Variants in DDHD2 observed in about 807,000 individuals in gnomAD.
The protein encoded by DDHD2 is triacylglycerol hydrolase DDHD2.
A neutral mutation model predicts 91.2 loss-of-function variants in DDHD2; 62 were observed. The ratio of observed to expected loss-of-function variants is 0.68; its 90% CI spans 0.55 to 0.84. The LOEUF is 0.84. Ranked by LOEUF, DDHD2 falls within the 40% of genes least tolerant of loss-of-function variation. The pLI, the probability that DDHD2 is intolerant of heterozygous loss-of-function variation, is 0.00. For missense variants in DDHD2, 740 were observed against 846.9 expected, an observed-to-expected ratio of 0.87 and a Z score of 1.57; for synonymous variants, 271 against 293.9, an observed-to-expected ratio of 0.92 and a Z score of 0.80.
In DDHD2 at chr8:38,234,512, T is replaced by TACG. The variant is rs1338662727; in HGVS notation, c.340_342dup (p.Thr114dup). ...AACTGGCATCGGAAGTGAGACGATG[T>TACG]ACGTGGTTTTACAAGGGGGACAAAG... is the stretch of plus-strand genomic sequence containing the variant. On this transcript the variant is annotated inframe_insertion, in exon 3 of 18. Coordinates refer to ENST00000397166, the MANE Select transcript of DDHD2 (RefSeq NM_015214.3). 5.0e-6 allele frequency: 8 copies of TACG among 1,613,374 alleles called. No individual in the cohort carries two copies. Among genetic ancestry groups the TACG allele is most frequent in the Non-Finnish European group, 6.8e-6 (8 of 1,179,928 alleles).
intron 9 of DDHD2, 45 bp downstream of exon 9, chr8:38,246,345 A>G: frequency 1.4e-6 from 2 of 1,457,382 alleles, no homozygotes; most frequent in Non-Finnish European, 1.9e-6. Context: ...TTTCCTTAGT[A>G]AGGATTTATA....
At chr8:38,268,624 C>T in intron 1 of DDHD2, 1 of 1,440,170 alleles carries the variant, frequency 6.9e-7, no homozygotes, top group Non-Finnish European at 9.1e-7. Flanking sequence ...ACAGCAGCGC[C>T]CGTGCGGCTC....
At chr8:38,258,311 G>C (rs1383520187) in intron 16 of DDHD2, among the ~76,000 whole-genome samples, 4 of 150,600 alleles carry the variant, frequency 2.7e-5, no homozygotes, top group Non-Finnish European at 5.9e-5. Flanking sequence ...AAGTGCAGTA[G>C]TGCAGTAGTT....
At chr8:38,260,363 G>C (rs1421936039) in intron 17 of DDHD2, 2 of 357,622 alleles carry the variant, frequency 5.6e-6, no homozygotes, top group Admixed American at 8.2e-5. Context: ...TTTTGCTAGA[G>C]ATTTTGTCCA....
chr8:38,243,307 C>G (rs1805383542), intron 7 of DDHD2, among the ~76,000 whole-genome samples: 1 of 152,178 alleles, frequency 6.6e-6, no homozygotes, highest in Admixed American at 6.5e-5. Context: ...CTTTTGGCAC[C>G]TGGCACTCAC....
At chr8:38,246,111 A>G in intron 8 of DDHD2, 122 bp from the exon 9 acceptor site, 1 of 1,096,262 alleles carries the variant, frequency 9.1e-7, no homozygotes. Flanking sequence ...TAAATTGGAA[A>G]GAAAGACTCC....
Position 38,240,712 on chromosome 8 carries a change from C to G in DDHD2, c.712+348C>G, listed in dbSNP as rs538288162. 1.6e-4 allele frequency among the ~76,000 whole-genome samples: 25 copies of G among 152,258 alleles called. 1 individual carries two copies. The South Asian group carries it at 5.2e-3, about 32-fold the overall frequency. ...AGAAGCATCAATCATTTTTGTAATT[C>G]ATACTGTGATAAACCTTTGATATTG... On this transcript the variant is annotated intron_variant, in intron 6 of 17. Transcript: ENST00000397166.
intron 9 of DDHD2, chr8:38,247,102 TTATTTC>T (rs1036422059): frequency 6.6e-6 from 1 of 152,222 alleles, no homozygotes. Context: ...TTAGACTATT[TTATTTC>T]TATTTCTATT....
chr8:38,262,725 C>T lies in DDHD2; in HGVS notation c.*2152C>T, dbSNP rs978519392. The T allele has an allele frequency of 4.6e-5, 7 of 152,194 alleles. No homozygotes were observed. The highest frequency in any genetic ancestry group is 2.1e-4 in the South Asian group (1 of 4,820). The allele number at this position is 152,194 out of a possible 1,614,324, so 9.4% of individuals were successfully genotyped here. On this transcript the variant is annotated 3_prime_UTR_variant, in exon 18 of 18. Transcript: ENST00000397166. ...GCATTTTTGAAATGTTTGTTTTCTACGTGATTATATTTAAAACTTTAGTAA... is the reference window on the plus strand; with the variant it reads ...GCATTTTTGAAATGTTTGTTTTCTATGTGATTATATTTAAAACTTTAGTAA...
chr8:38,233,168 T>G lies in DDHD2; in HGVS notation c.174T>G (p.Pro58=). 2 of 1,614,164 alleles carry G rather than the reference T, an allele frequency of 1.2e-6. No individual in the cohort carries two copies. The highest frequency in any genetic ancestry group is 1.7e-6 in the Non-Finnish European group (2 of 1,180,012). ...KIIDSKETWI[P]FNSEDSQQLE... Reference sequence around the variant, plus strand: ...TAGATTCTAAGGAGACATGGATTCCTTTCAACTCTGAGGATTCACAGCAGC... The same window carrying G: ...TAGATTCTAAGGAGACATGGATTCCGTTCAACTCTGAGGATTCACAGCAGC... The change falls in exon 2 of 18, where the codon CCT becomes CCG. Residue 58 remains proline, a synonymous_variant. Coordinates refer to ENST00000397166, the MANE Select transcript of DDHD2 (RefSeq NM_015214.3).
intron 7 of DDHD2, among the ~76,000 whole-genome samples, chr8:38,243,373 G>A (rs913657836): frequency 2.6e-5 from 4 of 152,104 alleles, no homozygotes; most frequent in Admixed American, 1.3e-4. Flanking sequence ...TCTCTTTATC[G>A]TTTGACCTGT....
At chr8:38,258,333 A>G (rs1806701508) in intron 16 of DDHD2, among the ~76,000 whole-genome samples, 1 of 151,830 alleles carries the variant, frequency 6.6e-6, no homozygotes, top group African/African-American at 2.4e-5. Flanking sequence ...GCTCACTGCA[A>G]CCTACGCCAT....
intron 1 of DDHD2, chr8:38,267,906 A>T: frequency 6.2e-7 from 1 of 1,613,952 alleles, no homozygotes; most frequent in Non-Finnish European, 8.5e-7. Context: ...CCTCCCTACG[A>T]TCAGTTTTAT....
intron 2 of DDHD2, among the ~76,000 whole-genome samples, chr8:38,233,648 G>C (rs1804468222): frequency 6.6e-6 from 1 of 151,706 alleles, no homozygotes; most frequent in South Asian, 2.1e-4. Flanking sequence ...AATGTGTAAG[G>C]CTGGGCACAG....
Position 38,251,995 on chromosome 8 carries a change from A to G in DDHD2, c.1428A>G (p.Arg476=). The change falls in exon 12 of 18, where the codon AGA becomes AGG. Residue 476 remains arginine, a synonymous_variant. Transcript: ENST00000397166. ...AGTTCTGCAGTAGCAGTAATACTAG[A>G]AATGGTGACTATCTGGATGTTGGCA... The part of the protein sequence containing the change: ...ESEFCSSSNT[R]NGDYLDVGIG... 6.2e-7 allele frequency: 1 copy of G among 1,614,216 alleles called. No individual in the cohort carries two copies. The highest frequency in any genetic ancestry group is 1.1e-5 in the South Asian group (1 of 91,090).
chr8:38,271,006 T>C (rs1808452750), intron 1 of DDHD2: 2 of 152,204 alleles, frequency 1.3e-5, no homozygotes, highest in Admixed American at 1.3e-4. Flanking sequence ...TTTGTTTTTT[T>C]CCCTACATAG....
In DDHD2 at chr8:38,236,239, C is replaced by G. The variant is rs373801682; in HGVS notation, c.412-1299C>G. ...GTGTTAGCCAGGATGGTCTCAAGCTCCTGACCTCGTGATCCGCCCGCCTCG... is the reference window on the plus strand; with the variant it reads ...GTGTTAGCCAGGATGGTCTCAAGCTGCTGACCTCGTGATCCGCCCGCCTCG... On this transcript the variant is annotated intron_variant, in intron 3 of 17. Transcript: ENST00000397166. Among the ~76,000 whole-genome samples, 237 of 150,986 alleles carry G rather than the reference C, an allele frequency of 1.6e-3. 1 individual carries two copies. The highest frequency in any genetic ancestry group is 5.4e-3 in the African/African-American group (221 of 41,172).
chr8:38,236,815 C>T (rs1053104744), intron 3 of DDHD2, among the ~76,000 whole-genome samples: 19 of 151,742 alleles, frequency 1.3e-4, no homozygotes, highest in South Asian at 4.2e-4. Flanking sequence ...CCACCGCGCC[C>T]GGCTCACACT....
chr8:38,242,159 GTAGT>G, intron 6 of DDHD2, 87 bp from the exon 7 acceptor site: 2 of 1,026,372 alleles, frequency 1.9e-6, no homozygotes, highest in South Asian at 3.5e-5. Flanking sequence ...CTGTGCAAAT[GTAGT>G]TAGAGTATAA....
Sources: gnomAD v4.1 joint callset for allele counts (sites outside exome capture counted in the v4.1 genomes callset) on GRCh38, gnomAD v4.1.1 for gene constraint, MANE v1.5 for transcripts, NCBI Gene and HGNC (gene_info 2026-07-23, HGNC 2026-07-21) for gene names.